Variants in SF3B1 observed in about 807,000 individuals in gnomAD.
SF3B1 encodes splicing factor 3b subunit 1.
In SF3B1, 12 loss-of-function variants were observed where a neutral mutation model predicts 153.8. The ratio of observed to expected loss-of-function variants is 0.08; its 90% confidence interval spans 0.05 to 0.13. The LOEUF (loss-of-function observed/expected upper bound fraction) is 0.13, where lower values mean the gene tolerates loss of function less well. SF3B1 is among the 10% of genes least tolerant of loss of function. The pLI is 1.00. For synonymous variants in SF3B1, 498 were observed against 525.2 expected (o/e 0.95, Z 0.71); for missense variants, 513 against 1,606.1 (o/e 0.32, Z 11.63).
In SF3B1 at chr2:197,399,726, G is replaced by A. The variant is rs115318931; in HGVS notation, c.3013+329C>T. 6.2e-4 allele frequency among the ~76,000 whole-genome samples: 94 copies of A among 152,142 alleles called. 1 individual carries two copies. Among genetic ancestry groups the A allele is most frequent in the African/African-American group, 2.1e-3 (87 of 41,512 alleles). ...AACTTTAGGATTGCCTTTTCACCCC[G>A]CAGCAGAACATGGCAGAATATATTT... On this transcript the variant is annotated intron_variant, in intron 20 of 24. Coordinates refer to ENST00000335508, the MANE Select transcript of SF3B1 (RefSeq NM_012433.4).
intron 11 of SF3B1, 58 bp downstream of exon 11, chr2:197,405,017 AT>A (rs2084975297): frequency 2.1e-5 from 26 of 1,226,902 alleles, no homozygotes; most frequent in Non-Finnish European, 2.6e-5. Flanking sequence ...AAAACTACAA[AT>A]TTTTTTTAAT....
At position 197,402,219 on chromosome 2, in the gene SF3B1, C is replaced by T. The variant is rs788019; in HGVS notation, c.2078-89G>A. ...AGATTCTCTCAATATATCAACTATT[C>T]AGCCAAACTGCAGAATATGTTCACA... is the stretch of plus-strand genomic sequence containing the variant. On this transcript the variant is annotated intron_variant, in intron 14 of 24. Transcript: ENST00000335508. This position sits in a 1 kb window ranked among gnomAD's most constrained non-coding sequence, Gnocchi z 4.6. 1,472,885 of 1,474,146 alleles carry T rather than the reference C, an allele frequency of 1. 735,821 individuals carry two copies. The highest frequency in any genetic ancestry group is 1 in the Middle Eastern group (5,370 of 5,370). 91.3% of individuals were successfully genotyped at this position (1,474,146 alleles called of 1,614,324 possible).
At chr2:197,416,713 G>A (rs2106004865) in intron 6 of SF3B1, 28 bp downstream of exon 6, 1 of 1,592,896 alleles carries the variant, frequency 6.3e-7, no homozygotes, top group East Asian at 2.2e-5. Flanking sequence ...TTTTTTAACA[G>A]TAATAACAAA....
chr2:197,392,944 C>G, intron 24 of SF3B1, 28 bp downstream of exon 24: 1 of 1,346,290 alleles, frequency 7.4e-7, no homozygotes, highest in Non-Finnish European at 1.0e-6. Flanking sequence ...AAAAAAATCA[C>G]CGATTAAAAA....
intron 1 of SF3B1, among the ~76,000 whole-genome samples, chr2:197,433,628 T>G (rs2085477168): frequency 6.6e-6 from 1 of 152,250 alleles, no homozygotes; most frequent in African/African-American, 2.4e-5. Context: ...GACAATTCAT[T>G]AGCATGTTTG....
At chr2:197,416,641 C>T in intron 6 of SF3B1, 100 bp downstream of exon 6, 1 of 984,916 alleles carries the variant, frequency 1.0e-6, no homozygotes, top group Non-Finnish European at 1.5e-6. Flanking sequence ...TTAAGGCACC[C>T]AGTCTGTGGT....
intron 6 of SF3B1, among the ~76,000 whole-genome samples, chr2:197,416,331 T>C (rs1057164095): frequency 2.0e-5 from 3 of 152,208 alleles, no homozygotes; most frequent in Non-Finnish European, 4.4e-5. Context: ...TTCCATAATA[T>C]GGACTAAATT....
chr2:197,395,338 A>G (rs2084864486), intron 23 of SF3B1, among the ~76,000 whole-genome samples: 1 of 152,208 alleles, frequency 6.6e-6, no homozygotes, highest in Non-Finnish European at 1.5e-5. Context: ...GAGTCCAGTT[A>G]AGTCTCCCTT....
chr2:197,407,513 G>A (rs1375246135), intron 9 of SF3B1, among the ~76,000 whole-genome samples: 1 of 151,054 alleles, frequency 6.6e-6, no homozygotes, highest in Non-Finnish European at 1.5e-5. Context: ...ACTCAGGCAA[G>A]AGAATCGCTT....
intron 1 of SF3B1, among the ~76,000 whole-genome samples, chr2:197,424,784 T>C (rs1452067125): frequency 6.6e-6 from 1 of 152,268 alleles, no homozygotes; most frequent in Non-Finnish European, 1.5e-5. Context: ...TTGCAAAAGA[T>C]TTCCATGGCC....
At position 197,398,511 on chromosome 2, in the gene SF3B1, A is replaced by G. The variant is rs746626226; in HGVS notation, c.3084T>C (p.His1028=). Residue 1028 remains histidine (H), a synonymous_variant, in exon 21 of 25, where the codon CAT becomes CAC. Transcript: ENST00000335508. ...CAATACAATTCTCTTGTACTTTTTCATGTCTGTTCTTTAAGATGGGGGTGA... is the reference window on the plus strand; with the variant it reads ...CAATACAATTCTCTTGTACTTTTTCGTGTCTGTTCTTTAAGATGGGGGTGA... ...PRLTPILKNR[H]EKVQENCIDL... The G allele has an allele frequency of 6.2e-7, 1 of 1,613,722 alleles. No homozygotes were observed. Among genetic ancestry groups the G allele is most frequent in the East Asian group, 2.2e-5 (1 of 44,810 alleles).
chr2:197,427,616 A>G (rs1374689445), intron 1 of SF3B1, among the ~76,000 whole-genome samples: 2 of 152,252 alleles, frequency 1.3e-5, no homozygotes, highest in Non-Finnish European at 2.9e-5. Context: ...CAAAATAAAT[A>G]AAAAGGTGGG....
chr2:197,420,607 C>T, intron 3 of SF3B1, 65 bp from the exon 4 acceptor site: 1 of 1,057,560 alleles, frequency 9.5e-7, no homozygotes, highest in Admixed American at 2.3e-5. Context: ...ATATCATAAA[C>T]AAAAATCAGA....
At chr2:197,432,625 T>C (rs1414184862) in intron 1 of SF3B1, among the ~76,000 whole-genome samples, 2 of 152,170 alleles carry the variant, frequency 1.3e-5, no homozygotes, top group Admixed American at 1.3e-4. Flanking sequence ...ATCCCAGCAC[T>C]TTGGGAGGCC....
chr2:197,429,744 A>C (rs1043396365), intron 1 of SF3B1, among the ~76,000 whole-genome samples: 10 of 151,794 alleles, frequency 6.6e-5, no homozygotes, highest in African/African-American at 2.4e-4. Context: ...ACATTGTGCG[A>C]CTGCACTCCA....
In SF3B1 at chr2:197,416,544, A is replaced by G. The variant is rs371496561; in HGVS notation, c.666+197T>C. Reference sequence around the variant, plus strand: ...AAAGGCCATGTGAGGACACAGCAAGAAAGCCCTCAACAAACACCAACCCTG... The same window carrying G: ...AAAGGCCATGTGAGGACACAGCAAGGAAGCCCTCAACAAACACCAACCCTG... On this transcript the variant is annotated intron_variant, in intron 6 of 24. Transcript: ENST00000335508. 1,071 of 511,260 alleles carry G rather than the reference A, an allele frequency of 2.1e-3. 33 individuals carry two copies. The South Asian group carries it at 0.027, about 13-fold the overall frequency. The allele number at this position is 511,260 out of a possible 1,614,324, so 31.7% of individuals were successfully genotyped here.
At chr2:197,420,031 G>C in intron 4 of SF3B1, 2 of 241,580 alleles carry the variant, frequency 8.3e-6, no homozygotes, top group Non-Finnish European at 1.6e-5. Context: ...GGGAGCTCTA[G>C]TGTGAGAAAC....
chr2:197,399,653 G>A (rs1328154647), intron 20 of SF3B1, among the ~76,000 whole-genome samples: 3 of 151,904 alleles, frequency 2.0e-5, no homozygotes, highest in South Asian at 2.1e-4. Flanking sequence ...TGTCATAATC[G>A]CTAATTCAAG....
At chr2:197,434,252 C>T (rs1239289926) in intron 1 of SF3B1, among the ~76,000 whole-genome samples, 2 of 152,156 alleles carry the variant, frequency 1.3e-5, no homozygotes, top group African/African-American at 4.8e-5. Context: ...TAATGAACTC[C>T]AGTCTATTCC....
Sources: gnomAD v4.1 joint callset for allele counts (sites outside exome capture counted in the v4.1 genomes callset) on GRCh38, gnomAD v4.1.1 for gene constraint, Gnocchi (gnomAD v3.1) non-coding constraint, MANE v1.5 for transcripts, NCBI Gene and HGNC (gene_info 2026-07-23, HGNC 2026-07-21) for gene names.